The following GTF2IRD1 variants were observed in gnomAD, a reference collection of about 807,000 sequenced individuals.
The protein encoded by GTF2IRD1 is general transcription factor II-I repeat domain-containing protein 1.
Under a neutral mutation model 113.2 loss-of-function variants are expected in GTF2IRD1, and 26 were observed. The observed-to-expected ratio is 0.23, with a 90% confidence interval of 0.17 to 0.32. The LOEUF is 0.32. GTF2IRD1 is among the 10% of genes least tolerant of loss of function. The pLI, the probability that GTF2IRD1 is intolerant of heterozygous loss-of-function variation, is 1.00. For missense variants in GTF2IRD1, 864 were observed against 1,280.8 expected (o/e 0.67, Z 4.97); for synonymous variants, 484 against 529.1 (o/e 0.91, Z 1.17).
At chr7:74,580,745 G>A (rs1801366818) in intron 22 of GTF2IRD1, among the ~76,000 whole-genome samples, 1 of 152,128 alleles carries the variant, frequency 6.6e-6, no homozygotes, top group Admixed American at 6.6e-5. Context: ...TCCACCAAAG[G>A]TGTCACTGTC....
At chr7:74,590,214 G>A (rs1406105539) in intron 23 of GTF2IRD1, among the ~76,000 whole-genome samples, 4 of 151,796 alleles carry the variant, frequency 2.6e-5, no homozygotes, top group Non-Finnish European at 5.9e-5. Flanking sequence ...CCAAGTAGCT[G>A]GGACTACAAG....
chr7:74,577,722 G>C (rs1349218037), intron 22 of GTF2IRD1, among the ~76,000 whole-genome samples: 1 of 151,746 alleles, frequency 6.6e-6, no homozygotes, highest in Non-Finnish European at 1.5e-5. Context: ...CACAGTCATA[G>C]CTTACTGCAG....
chr7:74,559,629 C>T lies in GTF2IRD1; in HGVS notation c.2294C>T (p.Pro765Leu). ...ADKIKFTVTR[P>L]FQGLIPKPDE... ...CCCTGCCTCTGTTTCTCTTCTAGGC[C>T]TTTCCAAGGACTCATCCCAAAGCCT... Residue 765 changes from proline (P) to leucine (L), a missense_variant and splice_region_variant, in exon 22 of 27, where the codon CCT (proline) becomes CTT (leucine). Around this residue, in one of 7 missense-constraint regions of GTF2IRD1, gnomAD observed 195 missense variants for 359.1 expected, o/e 0.54. Coordinates refer to ENST00000424337, the MANE Select transcript of GTF2IRD1 (RefSeq NM_005685.4). The T allele has an allele frequency of 6.3e-7, 1 of 1,595,906 alleles. No homozygotes were observed. The highest frequency in any genetic ancestry group is 8.5e-7 in the Non-Finnish European group (1 of 1,171,706).
At chr7:74,528,943 GTGGATGGATGGATGGATGGATGGA>G (rs782015964) in intron 8 of GTF2IRD1, among the ~76,000 whole-genome samples, 2 of 133,848 alleles carry the variant, frequency 1.5e-5, no homozygotes, top group East Asian at 2.3e-4. Context: ...GGGTGGATGG[GTGGATGGATGGATGGATGGATGGA>G]TGGATGGATG....
chr7:74,496,353 T>G (rs1795687623), intron 1 of GTF2IRD1, among the ~76,000 whole-genome samples: 1 of 146,254 alleles, frequency 6.8e-6, no homozygotes, highest in African/African-American at 2.5e-5. Context: ...TGCATGTGTG[T>G]GTGGGTGCAT....
At chr7:74,541,044 G>A (rs1467830210) in intron 14 of GTF2IRD1, among the ~76,000 whole-genome samples, 1 of 151,620 alleles carries the variant, frequency 6.6e-6, no homozygotes, top group South Asian at 2.1e-4. Flanking sequence ...GATTACAGGC[G>A]TGAGCCACCA....
chr7:74,519,680 C>A lies in GTF2IRD1; in HGVS notation c.877C>A (p.Pro293Thr). Residue 293 changes from proline to threonine, a missense_variant, in exon 6 of 27, where the codon CCC (proline) becomes ACC (threonine). This residue lies in a region of GTF2IRD1 where 195 missense variants were observed against 196.6 expected (regional missense o/e 0.99). Transcript: ENST00000424337. ...DLGLSRPMPE[P>T]KATGAQDFSD... is the part of the protein sequence containing the mutation. ...GGGCCTGAGTCGGCCCATGCCAGAG[C>A]CCAAGGCCACCGGTGCCCAAGACTT... 1 of 1,592,698 alleles carries A rather than the reference C, an allele frequency of 6.3e-7. No individual in the cohort carries two copies. The highest frequency in any genetic ancestry group is 8.5e-7 in the Non-Finnish European group (1 of 1,170,416).
chr7:74,490,542 A>AGGCC, intron 1 of GTF2IRD1, among the ~76,000 whole-genome samples: 1 of 129,898 alleles, frequency 7.7e-6, no homozygotes, highest in South Asian at 2.5e-4. Flanking sequence ...GAGAAAGGAT[A>AGGCC]CCCCCCCCCC....
chr7:74,538,131 C>T lies in GTF2IRD1; in HGVS notation c.1410-5C>T, dbSNP rs782485905. 7 of 1,611,892 alleles carry T rather than the reference C, an allele frequency of 4.3e-6. No homozygotes were observed. Among genetic ancestry groups the T allele is most frequent in the Non-Finnish European group, 4.2e-6 (5 of 1,179,524 alleles). ...ACAGGTGTCATTTCCTGCTTCCCTT[C>T]ACAGGTCAGACAAGGGCAGCATGTC... On this transcript the variant is annotated splice_region_variant and splice_polypyrimidine_tract_variant and intron_variant, in intron 11 of 26. Coordinates refer to ENST00000424337, the MANE Select transcript of GTF2IRD1 (RefSeq NM_005685.4).
At chr7:74,525,562 G>A (rs1554347059) in intron 8 of GTF2IRD1, among the ~76,000 whole-genome samples, 1 of 152,114 alleles carries the variant, frequency 6.6e-6, no homozygotes, top group East Asian at 1.9e-4. Context: ...GACCAGCCTG[G>A]CCAACATGGT....
intron 6 of GTF2IRD1, among the ~76,000 whole-genome samples, chr7:74,520,311 C>G (rs782003676): frequency 6.6e-6 from 1 of 151,920 alleles, no homozygotes; most frequent in Admixed American, 6.6e-5. Flanking sequence ...GTGAACAGGA[C>G]AAAAGGAACA....
At chr7:74,476,742 C>T (rs1021464187) in intron 1 of GTF2IRD1, among the ~76,000 whole-genome samples, 6 of 152,098 alleles carry the variant, frequency 3.9e-5, no homozygotes, top group Admixed American at 2.0e-4. Flanking sequence ...GCTCCTGGGC[C>T]GATGCCAGCC....
At chr7:74,464,585 T>G (rs182383894) in intron 1 of GTF2IRD1, among the ~76,000 whole-genome samples, 1,814 of 152,078 alleles carry the variant, frequency 0.012, 21 homozygotes, top group Non-Finnish European at 0.017. Context: ...ATAGCTGGGA[T>G]TACAGGCACC....
At position 74,595,132 on chromosome 7, in the gene GTF2IRD1, G is replaced by A. The variant is rs1203973786; in HGVS notation, c.2629+81G>A. The A allele has an allele frequency of 1.1e-4, 109 of 993,640 alleles. No homozygotes were observed. The South Asian group carries it at 1.2e-3, about 11-fold the overall frequency. The allele number at this position is 993,640 out of a possible 1,614,324, so 61.6% of individuals were successfully genotyped here. On this transcript the variant is annotated intron_variant, in intron 25 of 26. Transcript: ENST00000424337. ...CATTTGAAAAAAGGTAGACCCGGGC[G>A]CAGTGGCTCATGCCTGTAATCCCAG... is the stretch of plus-strand genomic sequence containing the variant.
chr7:74,491,383 C>T (rs1282472679), intron 1 of GTF2IRD1, among the ~76,000 whole-genome samples: 1 of 130,668 alleles, frequency 7.7e-6, no homozygotes, highest in African/African-American at 2.9e-5. Flanking sequence ...CATAGGTAAA[C>T]TTGTGTCATG....
chr7:74,490,358 C>T (rs1795269088), intron 1 of GTF2IRD1, among the ~76,000 whole-genome samples: 1 of 152,040 alleles, frequency 6.6e-6, no homozygotes, highest in Admixed American at 6.6e-5. Flanking sequence ...CAGAGCCTGG[C>T]CTGAGCAGAT....
intron 1 of GTF2IRD1, among the ~76,000 whole-genome samples, chr7:74,469,805 G>A (rs1554331873): frequency 1.3e-5 from 2 of 151,962 alleles, no homozygotes; most frequent in East Asian, 3.8e-4. Context: ...CTGGGTTCAA[G>A]GGATCCTCCT....
chr7:74,581,912 A>G (rs1376372985), intron 22 of GTF2IRD1, among the ~76,000 whole-genome samples: 1 of 152,160 alleles, frequency 6.6e-6, no homozygotes, highest in South Asian at 2.1e-4. Flanking sequence ...GAGGCTGAGG[A>G]TGGAGGATGG....
rs186201792 is a variant in GTF2IRD1 at position 74,543,173 on chromosome 7, G to A, written c.1619-1582G>A. Among the ~76,000 whole-genome samples the A allele has an allele frequency of 1.2e-4, 19 of 152,286 alleles. No homozygotes were observed. The South Asian group carries it at 3.7e-3, about 30-fold the overall frequency. Reference sequence around the variant, plus strand: ...CAAAATTAGCTGGGCATGGTGGTGCGCACCTGTTATCCCAGCTATTTGGGA... The same window carrying A: ...CAAAATTAGCTGGGCATGGTGGTGCACACCTGTTATCCCAGCTATTTGGGA... On this transcript the variant is annotated intron_variant, in intron 14 of 26. Coordinates refer to ENST00000424337, the MANE Select transcript of GTF2IRD1 (RefSeq NM_005685.4).
Sources: allele counts gnomAD v4.1 joint callset (sites outside exome capture counted in the v4.1 genomes callset), GRCh38; gene constraint gnomAD v4.1.1; regional missense constraint gnomAD v4.1.1; transcripts MANE v1.5; gene names NCBI Gene and HGNC (gene_info 2026-07-23, HGNC 2026-07-21).